PTPRT: variants seen among roughly 807,000 people sequenced by gnomAD.
PTPRT encodes the protein receptor-type tyrosine-protein phosphatase T.
A neutral mutation model predicts 176.8 loss-of-function variants in PTPRT; 56 were observed. That is an observed-to-expected ratio of 0.32 (90% CI 0.26 to 0.40). The LOEUF is 0.40. Ranked by LOEUF, PTPRT falls within the 10% of genes least tolerant of loss-of-function variation. The pLI is 1.00. For missense variants in PTPRT, 1,540 were observed against 1,908.2 expected (o/e 0.81, Z 3.60); for synonymous variants, 783 against 739.0 (o/e 1.06, Z -0.96).
At chr20:42,936,397 G>A (rs1319833514) in intron 1 of PTPRT, among the ~76,000 whole-genome samples, 1 of 152,234 alleles carries the variant, frequency 6.6e-6, no homozygotes, top group African/African-American at 2.4e-5. Flanking sequence ...CTGCAGTGGA[G>A]TGACAAGAGT....
chr20:42,442,424 G>A (rs758457151), intron 9 of PTPRT, among the ~76,000 whole-genome samples: 2 of 152,178 alleles, frequency 1.3e-5, no homozygotes, highest in Non-Finnish European at 2.9e-5. Flanking sequence ...TTATTGAAGC[G>A]AAGTCTGTTT....
At chr20:42,866,203 C>T (rs1269469044) in intron 2 of PTPRT, among the ~76,000 whole-genome samples, 1 of 152,220 alleles carries the variant, frequency 6.6e-6, no homozygotes, top group African/African-American at 2.4e-5. Context: ...TGGGCCAACA[C>T]TTTCACTTGC....
intron 2 of PTPRT, among the ~76,000 whole-genome samples, chr20:42,815,481 A>G (rs1459615063): frequency 6.6e-6 from 1 of 152,256 alleles, no homozygotes; most frequent in East Asian, 1.9e-4. Context: ...AAGTAAGTTT[A>G]CAACATTTGC....
intron 2 of PTPRT, among the ~76,000 whole-genome samples, chr20:42,836,100 T>C (rs7509168): frequency 0.02 from 3,079 of 152,178 alleles, 114 homozygotes; most frequent in African/African-American, 0.071. Context: ...GCTCTAGAAT[T>C]TGACTCCAAG....
intron 15 of PTPRT, among the ~76,000 whole-genome samples, chr20:42,219,753 G>A (rs1194097282): frequency 6.6e-6 from 1 of 152,210 alleles, no homozygotes; most frequent in Admixed American, 6.5e-5. Context: ...GTATATGGTA[G>A]GGCCAAGATC....
chr20:42,401,695 G>C (rs2058909550), intron 9 of PTPRT, among the ~76,000 whole-genome samples: 2 of 152,254 alleles, frequency 1.3e-5, no homozygotes, highest in East Asian at 3.9e-4. Context: ...GGTTAGCAGA[G>C]AGGATGGCAT....
At chr20:43,137,418 G>A (rs1185736175) in intron 1 of PTPRT, among the ~76,000 whole-genome samples, 1 of 152,174 alleles carries the variant, frequency 6.6e-6, no homozygotes, top group Non-Finnish European at 1.5e-5. Flanking sequence ...ATAACAACAG[G>A]ACTGAGTAGT....
intron 2 of PTPRT, among the ~76,000 whole-genome samples, chr20:42,838,452 G>A (rs572974966): frequency 6.6e-5 from 10 of 152,268 alleles, no homozygotes; most frequent in Non-Finnish European, 1.3e-4. Flanking sequence ...AGGCTGGAAC[G>A]GGGATCTGGG....
chr20:42,090,905 T>A (rs908241170), intron 27 of PTPRT, among the ~76,000 whole-genome samples: 19 of 152,354 alleles, frequency 1.2e-4, no homozygotes, highest in African/African-American at 4.3e-4. Context: ...GCCAAGAGTC[T>A]AGACCAACTG....
rs2057158767 is a variant in PTPRT, at chr20:42,282,584, T to C, written c.2140-59A>G. Reference sequence around the variant, plus strand: ...AGCTGTGAGTTATATAAAATTGTTATATAAAGACAAAAATACATATATATT... The same window carrying C: ...AGCTGTGAGTTATATAAAATTGTTACATAAAGACAAAAATACATATATATT... On this transcript the variant is annotated intron_variant, in intron 12 of 30. Transcript: ENST00000373187. The C allele has an allele frequency of 3.6e-6, 5 of 1,378,580 alleles. No homozygotes were observed. The South Asian group carries it at 3.8e-5, about 10-fold the overall frequency. The allele number at this position is 1,378,580 out of a possible 1,614,324, so 85.4% of individuals were successfully genotyped here. A position where few individuals can be genotyped will look rare whatever the true frequency, so the allele number is the denominator to read the frequency against.
At chr20:42,887,126 A>G (rs2079116174) in intron 1 of PTPRT, among the ~76,000 whole-genome samples, 1 of 152,174 alleles carries the variant, frequency 6.6e-6, no homozygotes, top group Admixed American at 6.5e-5. Flanking sequence ...CCCCACAGAG[A>G]ACCAATGTCT....
intron 2 of PTPRT, among the ~76,000 whole-genome samples, chr20:42,825,239 C>G (rs958956232): frequency 1.3e-5 from 2 of 152,004 alleles, no homozygotes; most frequent in African/African-American, 4.8e-5. Flanking sequence ...ATTGAATAAT[C>G]CCAATCTAGA....
intron 1 of PTPRT, among the ~76,000 whole-genome samples, chr20:42,991,491 A>T (rs1983910374): frequency 1.3e-5 from 2 of 152,164 alleles, no homozygotes; most frequent in Non-Finnish European, 1.5e-5. Flanking sequence ...TTCCACTTCC[A>T]TGAGTTACCC....
intron 7 of PTPRT, among the ~76,000 whole-genome samples, chr20:42,552,377 T>C (rs1163425522): frequency 6.6e-6 from 1 of 152,106 alleles, no homozygotes; most frequent in Non-Finnish European, 1.5e-5. Context: ...GATCGATCAA[T>C]GCAGCAGAAC....
intron 6 of PTPRT, among the ~76,000 whole-genome samples, chr20:42,735,534 T>C (rs138461697): frequency 2.6e-5 from 4 of 152,340 alleles, no homozygotes; most frequent in Admixed American, 6.5e-5. Context: ...TCAGTGTTTA[T>C]TTTTATTTCT....
intron 9 of PTPRT, among the ~76,000 whole-genome samples, chr20:42,359,868 G>A (rs767517391): frequency 6.6e-6 from 1 of 152,202 alleles, no homozygotes; most frequent in Non-Finnish European, 1.5e-5. Flanking sequence ...CAGCCCTGCT[G>A]CGGCCCTGCA....
chr20:43,023,575 G>A (rs1005711565), intron 1 of PTPRT, among the ~76,000 whole-genome samples: 4 of 152,268 alleles, frequency 2.6e-5, no homozygotes, highest in African/African-American at 7.2e-5. Context: ...ACCTGAGGCC[G>A]GCTGGTTACT....
chr20:42,502,529 T>C (rs1174726865), intron 7 of PTPRT, among the ~76,000 whole-genome samples: 1 of 152,042 alleles, frequency 6.6e-6, no homozygotes, highest in Non-Finnish European at 1.5e-5. Flanking sequence ...ATATCACATA[T>C]ATTCTTCTTT....
chr20:42,421,051 T>C (rs1010592712), intron 9 of PTPRT, among the ~76,000 whole-genome samples: 1 of 152,180 alleles, frequency 6.6e-6, no homozygotes, highest in Admixed American at 6.5e-5. Context: ...AGCCCAGGTG[T>C]CTGTTCTTGG....
Sources: gnomAD v4.1 joint callset for allele counts (sites outside exome capture counted in the v4.1 genomes callset) on GRCh38, gnomAD v4.1.1 for gene constraint, MANE v1.5 for transcripts, NCBI Gene and HGNC (gene_info 2026-07-23, HGNC 2026-07-21) for gene names.